Variants in MXI1 observed in about 807,000 individuals in gnomAD.
MXI1 encodes the protein max-interacting protein 1.
A neutral mutation model predicts 36.9 loss-of-function variants in MXI1; 18 were observed. The observed-to-expected ratio is 0.49, with a 90% confidence interval of 0.34 to 0.72. The LOEUF (loss-of-function observed/expected upper bound fraction) is 0.72, where lower values mean the gene tolerates loss of function less well. MXI1 is among the 30% of genes least tolerant of loss of function. MXI1 has a pLI of 0.01. For synonymous variants in MXI1, 160 were observed against 146.7 expected (o/e 1.09, Z -0.65); for missense variants, 304 against 379.1 (o/e 0.80, Z 1.64).
chr10:110,245,069 T>C (rs1212498079), intron 3 of MXI1, among the ~76,000 whole-genome samples: 1 of 152,188 alleles, frequency 6.6e-6, no homozygotes, highest in Non-Finnish European at 1.5e-5. Context: ...TTTTAAAGCT[T>C]ACTCGAATTT....
In MXI1 at chr10:110,232,250, G is replaced by A. The variant is rs1038784484; in HGVS notation, c.407+3929G>A. On this transcript the variant is annotated intron_variant, in intron 2 of 5. Transcript: ENST00000332674. ...GCTGGGATTACAGGTGTGACCCACC[G>A]CACTTGGCCAGTTCTTATGAATTAC... is the stretch of plus-strand genomic sequence containing the variant. Among the ~76,000 whole-genome samples, 3 of 152,252 alleles carry A rather than the reference G, an allele frequency of 2.0e-5. 1 individual carries two copies. The South Asian group carries it at 6.2e-4, about 32-fold the overall frequency.
chr10:110,242,129 C>G (rs1400741803), intron 2 of MXI1, among the ~76,000 whole-genome samples: 3 of 151,972 alleles, frequency 2.0e-5, no homozygotes, highest in Non-Finnish European at 2.9e-5. Flanking sequence ...TTAACAGTTT[C>G]AGACTCTACT....
At chr10:110,266,274 A>AT (rs2134441271) in intron 3 of MXI1, among the ~76,000 whole-genome samples, 1 of 151,870 alleles carries the variant, frequency 6.6e-6, no homozygotes, top group East Asian at 1.9e-4. Flanking sequence ...TGCCCAGCTA[A>AT]TTTTTTTGTA....
At chr10:110,274,499 T>A (rs1260238623) in intron 3 of MXI1, among the ~76,000 whole-genome samples, 1 of 152,132 alleles carries the variant, frequency 6.6e-6, no homozygotes, top group African/African-American at 2.4e-5. Flanking sequence ...TTACTATAAC[T>A]CATGCTAAAA....
intron 3 of MXI1, among the ~76,000 whole-genome samples, chr10:110,253,001 A>T (rs1856153688): frequency 6.6e-6 from 1 of 152,122 alleles, no homozygotes; most frequent in African/African-American, 2.4e-5. Context: ...GTCCTTTAGG[A>T]TACCATACAG....
intron 3 of MXI1, among the ~76,000 whole-genome samples, chr10:110,247,754 A>C (rs1009646668): frequency 6.6e-6 from 1 of 152,208 alleles, no homozygotes; most frequent in Non-Finnish European, 1.5e-5. Flanking sequence ...GTGGGACTGT[A>C]AATTAGTTCA....
chr10:110,283,682 T>C (rs1057301988), intron 5 of MXI1, among the ~76,000 whole-genome samples: 8 of 152,194 alleles, frequency 5.3e-5, no homozygotes, highest in Non-Finnish European at 5.9e-5. Flanking sequence ...CTAGCTCTGA[T>C]GGGAGAAAAC....
intron 3 of MXI1, among the ~76,000 whole-genome samples, chr10:110,270,916 C>T (rs1276688927): frequency 6.6e-6 from 1 of 151,934 alleles, no homozygotes; most frequent in East Asian, 1.9e-4. Context: ...ATGGTGAAAC[C>T]CCGTCTCTAG....
intron 1 of MXI1, among the ~76,000 whole-genome samples, chr10:110,222,076 G>A (rs1854826795): frequency 6.6e-6 from 1 of 152,206 alleles, no homozygotes; most frequent in Admixed American, 6.5e-5. Flanking sequence ...CTGGGCGAGG[G>A]AAAGGTTTTC....
chr10:110,257,042 C>T (rs747605714), intron 3 of MXI1: 3 of 152,096 alleles, frequency 2.0e-5, no homozygotes, highest in Non-Finnish European at 2.9e-5. Flanking sequence ...CTGGAATTAC[C>T]GTCTTCCAGT....
At chr10:110,217,184 G>C (rs1854673836) in intron 1 of MXI1, among the ~76,000 whole-genome samples, 2 of 152,134 alleles carry the variant, frequency 1.3e-5, no homozygotes, top group Non-Finnish European at 2.9e-5. Flanking sequence ...CTTGGCCACA[G>C]ACCTCTAATA....
At chr10:110,226,679 A>C in intron 1 of MXI1, among the ~76,000 whole-genome samples, 1 of 6,352 alleles carries the variant, frequency 1.6e-4, no homozygotes, top group Non-Finnish European at 2.8e-4. Flanking sequence ...GCGTGAGGGG[A>C]GGGGCGAGTG....
At chr10:110,216,665 G>GTTTTTTT (rs10656872) in intron 1 of MXI1, among the ~76,000 whole-genome samples, 4,813 of 78,886 alleles carry the variant, frequency 0.061, 941 homozygotes, top group African/African-American at 0.21. Context: ...TGTGTTTAAT[G>GTTTTTTT]TTTTTTTTTT....
At chr10:110,221,542 G>A (rs1189251268) in intron 1 of MXI1, among the ~76,000 whole-genome samples, 2 of 152,180 alleles carry the variant, frequency 1.3e-5, no homozygotes, top group African/African-American at 4.8e-5. Flanking sequence ...TGTCTTCTTG[G>A]ATCCAAGTTC....
intron 3 of MXI1, among the ~76,000 whole-genome samples, chr10:110,260,723 C>A (rs1455403016): frequency 6.6e-6 from 1 of 151,888 alleles, no homozygotes; most frequent in Non-Finnish European, 1.5e-5. Flanking sequence ...ATACTACAAA[C>A]ACATTCCTCA....
intron 3 of MXI1, among the ~76,000 whole-genome samples, chr10:110,269,647 T>A (rs10509912): frequency 0.14 from 21,572 of 152,204 alleles, 2,197 homozygotes; most frequent in South Asian, 0.33. Context: ...TAGGTCAGTG[T>A]CTTGTAGAAC....
chr10:110,258,302 A>C (rs1459082223), intron 3 of MXI1, among the ~76,000 whole-genome samples: 1 of 152,188 alleles, frequency 6.6e-6, no homozygotes, highest in Admixed American at 6.5e-5. Context: ...GAAGATAATT[A>C]TATTCTTTGT....
intron 1 of MXI1, among the ~76,000 whole-genome samples, chr10:110,214,219 C>A (rs1854574246): frequency 6.6e-6 from 1 of 152,202 alleles, no homozygotes; most frequent in Admixed American, 6.5e-5. Context: ...CACCCAGGAA[C>A]CTGAAGCAGA....
chr10:110,218,706 C>A (rs1251617858), intron 1 of MXI1, among the ~76,000 whole-genome samples: 2 of 152,120 alleles, frequency 1.3e-5, no homozygotes, highest in East Asian at 3.9e-4. Context: ...ACTCACCCAA[C>A]CAGTAGGTCT....
Sources: allele counts gnomAD v4.1 joint callset (sites outside exome capture counted in the v4.1 genomes callset), GRCh38; gene constraint gnomAD v4.1.1; transcripts MANE v1.5; gene names NCBI Gene and HGNC (gene_info 2026-07-23, HGNC 2026-07-21).